The following LARGE1 variants were observed in gnomAD, a reference collection of about 807,000 sequenced individuals.
LARGE1 encodes the protein LARGE xylosyl- and glucuronyltransferase 1.
In LARGE1, 43 loss-of-function variants were observed where a neutral mutation model predicts 87.6. The ratio of observed to expected loss-of-function variants is 0.49; its 90% CI spans 0.38 to 0.63. The LOEUF is 0.63. LARGE1 is among the 30% of genes least tolerant of loss of function. LARGE1 has a pLI of 0.00. For missense variants in LARGE1, 802 were observed against 1,000.2 expected, an observed-to-expected ratio of 0.80 and a Z score of 2.67; for synonymous variants, 434 against 394.6, an observed-to-expected ratio of 1.10 and a Z score of -1.18.
chr22:33,183,793 C>T lies in LARGE1; in HGVS notation c.1731-16961G>A, dbSNP rs115950080. 6.8e-3 allele frequency among the ~76,000 whole-genome samples: 1,038 copies of T among 151,978 alleles called. 10 individuals carry two copies. The highest frequency in any genetic ancestry group is 0.024 in the African/African-American group (985 of 41,454). ...GTATGAAAGACGGGTTCTATTTGGACGCTAAAAAGTCAAACTGACAGAAGC... is the reference window on the plus strand; with the variant it reads ...GTATGAAAGACGGGTTCTATTTGGATGCTAAAAAGTCAAACTGACAGAAGC... On this transcript the variant is annotated intron_variant, in intron 11 of 11. Coordinates refer to the LARGE1 transcript ENST00000608642.
chr22:33,834,697 A>G (rs1433712000), intron 1 of LARGE1, among the ~76,000 whole-genome samples: 5 of 152,262 alleles, frequency 3.3e-5, no homozygotes, highest in African/African-American at 9.6e-5. Flanking sequence ...ACCTTCGGCA[A>G]TAACTGGAGG....
intron 1 of LARGE1, among the ~76,000 whole-genome samples, chr22:33,839,252 G>A (rs1478560042): frequency 1.3e-5 from 2 of 152,180 alleles, no homozygotes; most frequent in Non-Finnish European, 2.9e-5. Flanking sequence ...ACAAAAGTGG[G>A]AGCAAGAAAG....
chr22:33,569,366 G>A (rs2078125885), intron 5 of LARGE1, among the ~76,000 whole-genome samples: 1 of 152,166 alleles, frequency 6.6e-6, no homozygotes, highest in Admixed American at 6.5e-5. Context: ...CAGTTACACT[G>A]CAAAACAGGA....
intron 3 of LARGE1, among the ~76,000 whole-genome samples, chr22:33,635,234 G>A (rs1269939690): frequency 2.0e-5 from 3 of 152,116 alleles, no homozygotes; most frequent in African/African-American, 2.4e-5. Flanking sequence ...ACAGGGGATC[G>A]AGGCCCTTTA....
At chr22:33,836,715 A>G (rs1443961700) in intron 1 of LARGE1, among the ~76,000 whole-genome samples, 1 of 152,022 alleles carries the variant, frequency 6.6e-6, no homozygotes, top group African/African-American at 2.4e-5. Context: ...CTAGCTGGTG[A>G]CCTAGACCAG....
chr22:33,453,939 C>T (rs2147943816), intron 6 of LARGE1, among the ~76,000 whole-genome samples: 1 of 152,278 alleles, frequency 6.6e-6, no homozygotes, highest in East Asian at 1.9e-4. Flanking sequence ...TGAGATAACA[C>T]AAAGGATCAG....
intron 6 of LARGE1, among the ~76,000 whole-genome samples, chr22:33,542,524 A>C (rs544026419): frequency 6.6e-6 from 1 of 151,390 alleles, no homozygotes; most frequent in East Asian, 1.9e-4. Flanking sequence ...AAGAGCCCAG[A>C]GGCCAGAGAC....
intron 6 of LARGE1, among the ~76,000 whole-genome samples, chr22:33,435,871 T>C (rs2067251685): frequency 6.6e-6 from 1 of 152,176 alleles, no homozygotes; most frequent in Non-Finnish European, 1.5e-5. Flanking sequence ...AGTTAGAACT[T>C]TAATATCCAT....
chr22:33,212,421 A>G (rs1055185712), intron 11 of LARGE1, among the ~76,000 whole-genome samples: 4 of 152,234 alleles, frequency 2.6e-5, no homozygotes, highest in African/African-American at 4.8e-5. Flanking sequence ...TTTTAAGCCC[A>G]GTGTTGAGAA....
chr22:33,491,234 G>T (rs560498143), intron 6 of LARGE1, among the ~76,000 whole-genome samples: 1 of 152,134 alleles, frequency 6.6e-6, no homozygotes, highest in Admixed American at 6.5e-5. Flanking sequence ...CATTTTAAAA[G>T]CTCGAGGGCA....
chr22:33,809,740 T>C (rs575153142), intron 1 of LARGE1, among the ~76,000 whole-genome samples: 3 of 152,150 alleles, frequency 2.0e-5, no homozygotes, highest in Non-Finnish European at 1.5e-5. Flanking sequence ...AATATAAAAA[T>C]AACCAATGAG....
intron 4 of LARGE1, among the ~76,000 whole-genome samples, chr22:33,622,237 T>C (rs914231977): frequency 2.6e-5 from 4 of 152,126 alleles, no homozygotes; most frequent in South Asian, 4.1e-4. Flanking sequence ...ATGGAGGTGG[T>C]TTCCCCCATG....
chr22:33,676,670 G>A (rs1362294033), intron 2 of LARGE1, among the ~76,000 whole-genome samples: 1 of 151,672 alleles, frequency 6.6e-6, no homozygotes, highest in Non-Finnish European at 1.5e-5. Context: ...CATCAAGACT[G>A]TAAGATCCTT....
At chr22:33,089,388 C>CTTCT in the LARGE1 span, among the ~76,000 whole-genome samples, 1 of 66,474 alleles carries the variant, frequency 1.5e-5, no homozygotes, top group African/African-American at 6.0e-5. Context: ...CTTCTTCTTC[C>CTTCT]TCTTCTTCTT....
chr22:33,129,752 G>A, the LARGE1 span, among the ~76,000 whole-genome samples: 1 of 152,152 alleles, frequency 6.6e-6, no homozygotes, highest in Non-Finnish European at 1.5e-5. Flanking sequence ...CAGCAGGATG[G>A]ATTGAGTGCA....
chr22:33,465,424 ACT>A (rs2068565636), intron 6 of LARGE1, among the ~76,000 whole-genome samples: 1 of 152,156 alleles, frequency 6.6e-6, no homozygotes. Flanking sequence ...TAGGTTTATT[ACT>A]CTTTAAACAG....
chr22:33,265,014 C>T (rs545735169), intron 11 of LARGE1, among the ~76,000 whole-genome samples: 1 of 147,826 alleles, frequency 6.8e-6, no homozygotes, highest in African/African-American at 2.5e-5. Context: ...GATTCTCCTG[C>T]TTCAGCCTCC....
chr22:33,107,070 A>C, the LARGE1 span, among the ~76,000 whole-genome samples: 1 of 152,220 alleles, frequency 6.6e-6, no homozygotes, highest in African/African-American at 2.4e-5. Context: ...AACTGAAAAT[A>C]CTTCTAATGC....
At chr22:33,806,008 G>A (rs1212171013) in intron 1 of LARGE1, among the ~76,000 whole-genome samples, 1 of 152,160 alleles carries the variant, frequency 6.6e-6, no homozygotes, top group African/African-American at 2.4e-5. Flanking sequence ...CATTCACAAT[G>A]CTGTGCAACC....
Sources: gnomAD v4.1 joint callset for allele counts (sites outside exome capture counted in the v4.1 genomes callset) on GRCh38, gnomAD v4.1.1 for gene constraint, MANE v1.5 for transcripts, NCBI Gene and HGNC (gene_info 2026-07-23, HGNC 2026-07-21) for gene names.